ARHGAP26: variants seen among roughly 807,000 people sequenced by gnomAD.
ARHGAP26 encodes Rho GTPase activating protein 26.
Under a neutral mutation model 104.8 loss-of-function variants are expected in ARHGAP26, and 38 were observed. That is an observed-to-expected ratio of 0.36 (90% confidence interval 0.28 to 0.48). The LOEUF (loss-of-function observed/expected upper bound fraction) is 0.48. ARHGAP26 is among the 20% of genes least tolerant of loss of function. The probability of loss-of-function intolerance (pLI) is 0.99; values close to 1 mark genes in which losing one functional copy is unlikely to be tolerated. For missense variants in ARHGAP26, 704 were observed against 947.9 expected (o/e 0.74, Z 3.38); for synonymous variants, 341 against 340.0 (o/e 1.00, Z -0.03).
intron 12 of ARHGAP26, among the ~76,000 whole-genome samples, chr5:143,019,509 C>T (rs1017933765): frequency 6.6e-6 from 1 of 152,026 alleles, no homozygotes; most frequent in African/African-American, 2.4e-5. Flanking sequence ...AAATTTACTC[C>T]CCAAAGACTA....
At chr5:143,074,578 A>G (rs1788727929) in intron 17 of ARHGAP26, among the ~76,000 whole-genome samples, 1 of 152,244 alleles carries the variant, frequency 6.6e-6, no homozygotes, top group African/African-American at 2.4e-5. Context: ...CAGTGTTCAT[A>G]AAGTTTTATT....
At chr5:143,035,102 G>A (rs949703620) in intron 12 of ARHGAP26, among the ~76,000 whole-genome samples, 2 of 152,160 alleles carry the variant, frequency 1.3e-5, no homozygotes, top group Non-Finnish European at 2.9e-5. Context: ...GGCTGAGTGT[G>A]TTTGTAATAA....
intron 11 of ARHGAP26, among the ~76,000 whole-genome samples, chr5:142,976,952 A>C (rs561527585): frequency 6.6e-6 from 1 of 152,250 alleles, no homozygotes; most frequent in African/African-American, 2.4e-5. Context: ...CCTCTGTGGT[A>C]ATAGTTCCAG....
chr5:143,215,375 T>C (rs554223960), intron 22 of ARHGAP26, among the ~76,000 whole-genome samples: 3 of 152,362 alleles, frequency 2.0e-5, no homozygotes, highest in African/African-American at 7.2e-5. Context: ...GGCAGAATTG[T>C]TTTAAACTAT....
In ARHGAP26 at chr5:142,842,970, T is replaced by C. The variant is rs1404884216; in HGVS notation, c.155-30430T>C. ...GTTAGATCGACTTCTTGTAGGGATG[T>C]AGGGGACGTGATTCAAAGGTCCCCC... is the stretch of plus-strand genomic sequence containing the variant. On this transcript the variant is annotated intron_variant, in intron 1 of 22. Coordinates refer to ENST00000645722, the MANE Select transcript of ARHGAP26 (RefSeq NM_001135608.3). 2.6e-5 allele frequency among the ~76,000 whole-genome samples: 4 copies of C among 152,194 alleles called. No homozygotes were observed. The East Asian group carries it at 5.8e-4, about 22-fold the overall frequency.
intron 17 of ARHGAP26, among the ~76,000 whole-genome samples, chr5:143,070,770 C>T (rs1234941553): frequency 6.6e-6 from 1 of 152,036 alleles, no homozygotes; most frequent in Non-Finnish European, 1.5e-5. Context: ...ATTAGCCGGG[C>T]ATGGTGGTGT....
intron 20 of ARHGAP26, among the ~76,000 whole-genome samples, chr5:143,192,075 G>C (rs1008431925): frequency 1.3e-5 from 2 of 152,108 alleles, no homozygotes; most frequent in Non-Finnish European, 2.9e-5. Context: ...ACAGTCTTTA[G>C]ATATTGTCAG....
intron 22 of ARHGAP26, among the ~76,000 whole-genome samples, chr5:143,220,775 C>T (rs1811032333): frequency 6.6e-6 from 1 of 152,150 alleles, no homozygotes; most frequent in Non-Finnish European, 1.5e-5. Flanking sequence ...CTTGTCTTTT[C>T]CTAAGGAGGC....
Position 143,181,576 on chromosome 5 carries a change from G to A in ARHGAP26, c.1989-25622G>A, listed in dbSNP as rs553121490. Among the ~76,000 whole-genome samples the A allele has an allele frequency of 9.8e-5, 15 of 152,286 alleles. 1 individual carries two copies. In the South Asian group the frequency reaches 3.1e-3, roughly 32 times the overall value. ...GTCTCATTCTCTGTGGGCCATACCT[G>A]TCTTCCCAGTTGTATCTCCTCAGTG... On this transcript the variant is annotated intron_variant, in intron 20 of 22. Transcript: ENST00000645722.
chr5:143,155,918 T>A (rs1350311967), intron 20 of ARHGAP26, among the ~76,000 whole-genome samples: 1 of 152,216 alleles, frequency 6.6e-6, no homozygotes, highest in East Asian at 1.9e-4. Context: ...TGACTGAATT[T>A]CATTTTGAAT....
intron 1 of ARHGAP26, among the ~76,000 whole-genome samples, chr5:142,831,842 G>A (rs1317872564): frequency 6.6e-6 from 1 of 152,074 alleles, no homozygotes; most frequent in Non-Finnish European, 1.5e-5. Context: ...TCTTGCATTT[G>A]CTTTTTCCTT....
intron 17 of ARHGAP26, among the ~76,000 whole-genome samples, chr5:143,069,097 C>T (rs1048690755): frequency 2.6e-5 from 4 of 152,188 alleles, no homozygotes; most frequent in Non-Finnish European, 5.9e-5. Context: ...CCCCTCCTGC[C>T]ATCCTCTCTC....
chr5:142,772,673 C>T (rs1755463782), intron 1 of ARHGAP26: 1 of 501,308 alleles, frequency 2.0e-6, no homozygotes, highest in Admixed American at 2.1e-5. Flanking sequence ...CTGAGTCACA[C>T]AGCTCTAGCA....
intron 12 of ARHGAP26, among the ~76,000 whole-genome samples, chr5:143,036,699 TCA>T (rs1348126844): frequency 6.6e-6 from 1 of 152,216 alleles, no homozygotes; most frequent in Non-Finnish European, 1.5e-5. Flanking sequence ...TTACCAAGCC[TCA>T]GTTTCTTCAT....
intron 1 of ARHGAP26, among the ~76,000 whole-genome samples, chr5:142,798,676 T>G (rs1166711129): frequency 6.6e-6 from 1 of 152,208 alleles, no homozygotes; most frequent in East Asian, 1.9e-4. Flanking sequence ...AGCAAAGAGT[T>G]TCCGCCCAGG....
At chr5:143,100,910 G>A (rs1793129330) in intron 17 of ARHGAP26, among the ~76,000 whole-genome samples, 1 of 152,172 alleles carries the variant, frequency 6.6e-6, no homozygotes, top group African/African-American at 2.4e-5. Context: ...GGCCAACATG[G>A]CGAAACCCTG....
At chr5:142,890,151 A>AAAAAAAAAAAAAAT (rs1252590997) in intron 5 of ARHGAP26, among the ~76,000 whole-genome samples, 3 of 32,428 alleles carry the variant, frequency 9.3e-5, no homozygotes, top group South Asian at 1.5e-3. Context: ...AAAAAAAAAA[A>AAAAAAAAAAAAAAT]ATATATATAT....
At position 142,875,105 on chromosome 5, in the gene ARHGAP26, T is replaced by G; in HGVS notation, c.251-5T>G. On this transcript the variant is annotated splice_polypyrimidine_tract_variant and splice_region_variant and intron_variant, in intron 2 of 22. Transcript: ENST00000645722. ...TCCACCTCATGGCCCCTTTCTGTTT[T>G]CCAGCAAGATCTTTGCAGGAGTTTG... 6.2e-7 allele frequency: 1 copy of G among 1,613,896 alleles called. No homozygotes were observed. Among genetic ancestry groups the G allele is most frequent in the Non-Finnish European group, 8.5e-7 (1 of 1,179,830 alleles).
chr5:142,770,729 A>T lies in ARHGAP26; in HGVS notation c.-33A>T. The T allele has an allele frequency of 4.9e-6, 6 of 1,217,550 alleles. No individual in the cohort carries two copies. Among genetic ancestry groups the T allele is most frequent in the Non-Finnish European group, 5.2e-6 (5 of 968,706 alleles). The allele number at this position is 1,217,550 out of a possible 1,614,324, so 75.4% of individuals were successfully genotyped here. ...CGGCGGGCGGCCCGGGCCCCGGCGG[A>T]GGCGCGCCCCCCGGCTGGGCGCCGC... On this transcript the variant is annotated 5_prime_UTR_variant, in exon 1 of 23. Coordinates refer to ENST00000645722, the MANE Select transcript of ARHGAP26 (RefSeq NM_001135608.3).
Sources: gnomAD v4.1 joint callset for allele counts (sites outside exome capture counted in the v4.1 genomes callset) on GRCh38, gnomAD v4.1.1 for gene constraint, MANE v1.5 for transcripts, NCBI Gene and HGNC (gene_info 2026-07-23, HGNC 2026-07-21) for gene names.